Variants in CNTNAP2 observed in about 807,000 individuals in gnomAD.
CNTNAP2 encodes contactin-associated protein-like 2.
CNTNAP2 carries 98 observed loss-of-function variants against 155.2 expected under a neutral mutation model. The ratio of observed to expected loss-of-function variants is 0.63; its 90% confidence interval spans 0.54 to 0.75. The LOEUF is 0.75. Among genes scored for constraint, CNTNAP2 ranks in the 30% least tolerant of loss-of-function variants. The pLI is 0.00. For synonymous variants in CNTNAP2, 651 were observed against 631.2 expected (o/e 1.03, Z -0.47); for missense variants, 1,727 against 1,688.1 (o/e 1.02, Z -0.40).
intron 1 of CNTNAP2, among the ~76,000 whole-genome samples, chr7:146,142,065 C>A (rs1301685281): frequency 6.6e-6 from 1 of 152,094 alleles, no homozygotes; most frequent in African/African-American, 2.4e-5. Flanking sequence ...TGTTATTAAC[C>A]CACATCTCAC....
intron 10 of CNTNAP2, among the ~76,000 whole-genome samples, chr7:147,420,200 C>T (rs989868985): frequency 3.3e-5 from 5 of 152,112 alleles, no homozygotes; most frequent in African/African-American, 1.2e-4. Flanking sequence ...GTCCAGCATA[C>T]GGAGAGGGTC....
intron 1 of CNTNAP2, among the ~76,000 whole-genome samples, chr7:146,588,159 A>G (rs1329683378): frequency 6.6e-6 from 1 of 152,152 alleles, no homozygotes; most frequent in Non-Finnish European, 1.5e-5. Flanking sequence ...AGAAGTTTTC[A>G]GTAGGTAGAG....
intron 9 of CNTNAP2, among the ~76,000 whole-genome samples, chr7:147,389,852 T>C (rs955491585): frequency 6.6e-6 from 1 of 152,194 alleles, no homozygotes. Flanking sequence ...ATAACAAAAA[T>C]ACGCAAAAAT....
chr7:146,947,384 T>TC (rs1797198569), intron 3 of CNTNAP2, among the ~76,000 whole-genome samples: 2 of 128,410 alleles, frequency 1.6e-5, no homozygotes, highest in African/African-American at 3.0e-5. Flanking sequence ...CCTTCTCTCT[T>TC]TCTCTCTCTC....
At chr7:146,188,612 T>C (rs1051033050) in intron 1 of CNTNAP2, among the ~76,000 whole-genome samples, 12 of 152,172 alleles carry the variant, frequency 7.9e-5, no homozygotes, top group Admixed American at 1.3e-4. Flanking sequence ...TCTAGGCTAT[T>C]ATGTCAAAGT....
intron 14 of CNTNAP2, among the ~76,000 whole-genome samples, chr7:147,916,825 T>A (rs532843565): frequency 6.6e-6 from 1 of 152,310 alleles, no homozygotes; most frequent in African/African-American, 2.4e-5. Context: ...TTATTTATTC[T>A]GTGTCCCACT....
intron 2 of CNTNAP2, among the ~76,000 whole-genome samples, chr7:146,823,469 A>G (rs551599511): frequency 4.2e-4 from 53 of 125,576 alleles, no homozygotes; most frequent in African/African-American, 1.2e-3. Context: ...GTATATTTAC[A>G]TGGAAATATA....
chr7:147,480,729 G>A (rs944672700), intron 10 of CNTNAP2, among the ~76,000 whole-genome samples: 1 of 152,096 alleles, frequency 6.6e-6, no homozygotes, highest in African/African-American at 2.4e-5. Flanking sequence ...CCCTTCCTGG[G>A]CTGTTTCTCC....
chr7:146,951,008 T>G (rs554062154), intron 3 of CNTNAP2, among the ~76,000 whole-genome samples: 1 of 152,228 alleles, frequency 6.6e-6, no homozygotes, highest in South Asian at 2.1e-4. Context: ...AGATGGTATC[T>G]CATCGTGGTT....
intron 6 of CNTNAP2, among the ~76,000 whole-genome samples, chr7:147,127,734 G>T (rs1022126594): frequency 6.6e-6 from 1 of 151,896 alleles, no homozygotes; most frequent in Admixed American, 6.6e-5. Flanking sequence ...AAAATAAAGT[G>T]GTTGGACCAC....
intron 1 of CNTNAP2, among the ~76,000 whole-genome samples, chr7:146,360,902 G>A (rs28639789): frequency 0.027 from 4,090 of 152,196 alleles, 162 homozygotes; most frequent in African/African-American, 0.093. Flanking sequence ...TCATCAATTC[G>A]TGGCCTTAAG....
At chr7:146,743,351 T>C (rs902522001) in intron 1 of CNTNAP2, among the ~76,000 whole-genome samples, 6 of 152,330 alleles carry the variant, frequency 3.9e-5, no homozygotes, top group Admixed American at 1.3e-4. Context: ...GCATAAGTTA[T>C]AGATGCCTTT....
intron 22 of CNTNAP2, among the ~76,000 whole-genome samples, chr7:148,395,155 T>C (rs1799440898): frequency 6.6e-6 from 1 of 150,808 alleles, no homozygotes; most frequent in Non-Finnish European, 1.5e-5. Context: ...TGTGGCTTTT[T>C]TTTTTTCTTT....
At position 147,083,539 on chromosome 7, in the gene CNTNAP2, T is replaced by TATATATATGTATATATATATATAC. The variant is rs1224219333; in HGVS notation, c.551-24600_551-24599insGTATATATATATATACATATATAT. Among the ~76,000 whole-genome samples the TATATATATGTATATATATATATAC allele has an allele frequency of 5.3e-3, 162 of 30,460 alleles. 1 individual carries two copies. Among genetic ancestry groups the TATATATATGTATATATATATATAC allele is most frequent in the Non-Finnish European group, 0.017 (137 of 8,050 alleles). 20.0% of individuals were successfully genotyped at this position (30,460 alleles called of 152,430 possible). On this transcript the variant is annotated intron_variant, in intron 4 of 23. Coordinates refer to ENST00000361727, the MANE Select transcript of CNTNAP2 (RefSeq NM_014141.6). ...ACATCATTTTATATATATATATACATATATATATATGTATATATATATATA... is the reference window on the plus strand; with the variant it reads ...ACATCATTTTATATATATATATACATATATATATGTATATATATATATACATATATATATGTATATATATATATA...
chr7:148,377,500 T>C lies in CNTNAP2; in HGVS notation c.3476-6149T>C, dbSNP rs1798985617. 3.0e-5 allele frequency among the ~76,000 whole-genome samples: 2 copies of C among 67,616 alleles called. 1 individual carries two copies. The highest frequency in any genetic ancestry group is 7.3e-5 in the African/African-American group (2 of 27,556). 44.4% of individuals were successfully genotyped at this position (67,616 alleles called of 152,430 possible). A position where few individuals can be genotyped will look rare whatever the true frequency, so the allele number is the denominator to read the frequency against. ...TTTTGAAAGACAAATCCATTTTTAA[T>C]GAGACGGACAGATTTTCAGGTAATA... is the stretch of plus-strand genomic sequence containing the variant. On this transcript the variant is annotated intron_variant, in intron 21 of 23. Transcript: ENST00000361727.
At chr7:147,635,331 C>T (rs1795160057) in intron 12 of CNTNAP2, among the ~76,000 whole-genome samples, 1 of 151,622 alleles carries the variant, frequency 6.6e-6, no homozygotes, top group African/African-American at 2.4e-5. Context: ...GCTGTGTTGC[C>T]CAGGCTGATC....
At chr7:147,087,204 T>C (rs1800296456) in intron 4 of CNTNAP2, among the ~76,000 whole-genome samples, 1 of 152,212 alleles carries the variant, frequency 6.6e-6, no homozygotes, top group Non-Finnish European at 1.5e-5. Context: ...GTTCCCATTA[T>C]TGTCTTAGAA....
chr7:146,667,103 A>T (rs558263069), intron 1 of CNTNAP2, among the ~76,000 whole-genome samples: 1 of 152,008 alleles, frequency 6.6e-6, no homozygotes, highest in Non-Finnish European at 1.5e-5. Context: ...GCCTCCAGAG[A>T]TCTTATAATT....
intron 6 of CNTNAP2, among the ~76,000 whole-genome samples, chr7:147,125,354 C>T (rs989405120): frequency 1.3e-5 from 2 of 152,146 alleles, no homozygotes; most frequent in African/African-American, 4.8e-5. Flanking sequence ...AAGAGTTTGT[C>T]TCATCCCCTC....
Sources: gnomAD v4.1 joint callset for allele counts (sites outside exome capture counted in the v4.1 genomes callset) on GRCh38, gnomAD v4.1.1 for gene constraint, MANE v1.5 for transcripts, NCBI Gene and HGNC (gene_info 2026-07-23, HGNC 2026-07-21) for gene names.